The following RWDD1 variants were observed in gnomAD, a reference collection of about 807,000 sequenced individuals.
The protein encoded by RWDD1 is RWD domain-containing protein 1.
Under a neutral mutation model 31.6 loss-of-function variants are expected in RWDD1, and 17 were observed. The ratio of observed to expected loss-of-function variants is 0.54; its 90% CI spans 0.37 to 0.81. RWDD1 has a LOEUF of 0.81. Ranked by LOEUF, RWDD1 falls within the 30% of genes least tolerant of loss-of-function variation. The probability of loss-of-function intolerance (pLI) is 0.00; values close to 1 mark genes in which losing one functional copy is unlikely to be tolerated. For missense variants in RWDD1, 204 were observed against 274.5 expected (o/e 0.74, Z 1.82); for synonymous variants, 78 against 94.2 (o/e 0.83, Z 0.99).
intron 6 of RWDD1, among the ~76,000 whole-genome samples, chr6:116,591,714 C>T (rs1471511733): frequency 6.6e-6 from 1 of 152,240 alleles, no homozygotes; most frequent in African/African-American, 2.4e-5. Context: ...AAACTGGGCT[C>T]CATACTCAGT....
rs894122174 is a variant in RWDD1, at chr6:116,594,990, T to C, written c.*1889T>C. The C allele has an allele frequency of 2.6e-5, 4 of 152,322 alleles. No homozygotes were observed. Among genetic ancestry groups the C allele is most frequent in the East Asian group, 1.9e-4 (1 of 5,190 alleles). 9.4% of individuals were successfully genotyped at this position (152,322 alleles called of 1,614,324 possible). On this transcript the variant is annotated 3_prime_UTR_variant, in exon 7 of 7. Coordinates refer to ENST00000466444, the MANE Select transcript of RWDD1 (RefSeq NM_015952.4). ...CACGTCAGCCTTGATCCCAGACCAA[T>C]AGAATGGAATAACAACAGGAATGTT... is the stretch of plus-strand genomic sequence containing the variant.
At chr6:116,587,189 G>A (rs1303359768) in intron 3 of RWDD1, among the ~76,000 whole-genome samples, 2 of 152,068 alleles carry the variant, frequency 1.3e-5, no homozygotes, top group African/African-American at 4.8e-5. Context: ...TTTTTCTCTG[G>A]TGAGAAGTGT....
chr6:116,588,971 G>A lies in RWDD1; in HGVS notation c.400G>A (p.Glu134Lys), dbSNP rs1775090404. The change falls in exon 4 of 7, where the codon GAA (glutamate) becomes AAA (lysine). Residue 134 changes from glutamate (E) to lysine (K), a missense_variant. Physicochemically the swap from Glu to Lys is moderately conservative, Grantham distance 56. Coordinates refer to ENST00000466444, the MANE Select transcript of RWDD1 (RefSeq NM_015952.4). ...EEKKQKEKEA[E>K]EAEKQLFHGT... is the part of the protein sequence containing the mutation. The stretch of plus-strand genomic sequence containing the variant: ...AAAGAAACAAAAAGAAAAAGAAGCA[G>A]AAGAAGCTGAAAAGGTATATTTAAA... 1 of 1,399,832 alleles carries A rather than the reference G, an allele frequency of 7.1e-7. No homozygotes were observed. The allele number at this position is 1,399,832 out of a possible 1,614,324, so 86.7% of individuals were successfully genotyped here.
In RWDD1 at chr6:116,586,003, T is replaced by A. The variant is rs142389145; in HGVS notation, c.270+1146T>A. Among the ~76,000 whole-genome samples, 9 of 152,260 alleles carry A rather than the reference T, an allele frequency of 5.9e-5. 1 individual carries two copies. In the South Asian group the frequency reaches 1.7e-3, roughly 28 times the overall value. ...CATTGCAGAGAACCTGGGATGGTTA[T>A]GCTATATTCAGTCAGTCGTACCTTA... On this transcript the variant is annotated intron_variant, in intron 3 of 6. Coordinates refer to ENST00000466444, the MANE Select transcript of RWDD1 (RefSeq NM_015952.4).
intron 3 of RWDD1, among the ~76,000 whole-genome samples, chr6:116,586,014 G>T (rs1351653357): frequency 6.6e-6 from 1 of 152,044 alleles, no homozygotes. Context: ...GCTATATTCA[G>T]TCAGTCGTAC....
At chr6:116,591,042 C>T in intron 6 of RWDD1, 92 bp downstream of exon 6, 1 of 1,448,836 alleles carries the variant, frequency 6.9e-7, no homozygotes, top group South Asian at 1.6e-5. Flanking sequence ...AGGAGGATTG[C>T]TTGAGCCCAG....
chr6:116,579,877 A>G (rs1774917383), intron 1 of RWDD1, among the ~76,000 whole-genome samples: 1 of 152,218 alleles, frequency 6.6e-6, no homozygotes, highest in Non-Finnish European at 1.5e-5. Context: ...TCTGAGTTAT[A>G]TCTCACAATA....
intron 3 of RWDD1, among the ~76,000 whole-genome samples, chr6:116,585,394 T>G (rs1350582620): frequency 6.6e-6 from 1 of 152,042 alleles, no homozygotes; most frequent in African/African-American, 2.4e-5. Context: ...TAAAAAAAGT[T>G]TTTACTGGAT....
Position 116,588,995 on chromosome 6 carries a change from A to G in RWDD1, c.414+10A>G, listed in dbSNP as rs1289094381. ...AGAAGAAGCTGAAAAGGTATATTTA[A>G]AAGCCTTGTTTTCTTTTATTATTTC... On this transcript the variant is annotated intron_variant, in intron 4 of 6. Transcript: ENST00000466444. 5 of 1,320,062 alleles carry G rather than the reference A, an allele frequency of 3.8e-6. No homozygotes were observed. Among genetic ancestry groups the G allele is most frequent in the Non-Finnish European group, 4.9e-6 (5 of 1,021,252 alleles). 81.8% of individuals were successfully genotyped at this position (1,320,062 alleles called of 1,614,324 possible).
intron 2 of RWDD1, among the ~76,000 whole-genome samples, chr6:116,580,613 C>T (rs752554656): frequency 5.9e-5 from 9 of 152,072 alleles, no homozygotes; most frequent in Non-Finnish European, 7.4e-5. Context: ...ATTAATAATA[C>T]AGCAGATGAA....
At chr6:116,576,018 C>T (rs745790515) in intron 1 of RWDD1, among the ~76,000 whole-genome samples, 7 of 152,208 alleles carry the variant, frequency 4.6e-5, no homozygotes, top group African/African-American at 7.2e-5. Flanking sequence ...TCAGTATGCT[C>T]AGTTAAAAAT....
chr6:116,587,532 A>C (rs930223720), intron 3 of RWDD1, among the ~76,000 whole-genome samples: 2 of 152,186 alleles, frequency 1.3e-5, no homozygotes, highest in African/African-American at 4.8e-5. Flanking sequence ...AGGGTCTCCT[A>C]AATGTTCACA....
chr6:116,571,546 G>C lies in RWDD1; in HGVS notation c.-37G>C. On this transcript the variant is annotated 5_prime_UTR_variant, in exon 1 of 7. Transcript: ENST00000466444. Reference sequence around the variant, plus strand: ...GTCTGGGCTGCTGCGCGCCGCCTAGGTGTCTGGGCGATCTATGGGCAAGAG... The same window carrying C: ...GTCTGGGCTGCTGCGCGCCGCCTAGCTGTCTGGGCGATCTATGGGCAAGAG... 2 of 1,604,354 alleles carry C rather than the reference G, an allele frequency of 1.2e-6. No homozygotes were observed. Among genetic ancestry groups the C allele is most frequent in the Non-Finnish European group, 1.7e-6 (2 of 1,174,698 alleles).
At position 116,571,606 on chromosome 6, in the gene RWDD1, G is replaced by A; in HGVS notation, c.24G>A (p.Gln8=). MTDYGEE[Q]RNELEALESI... is the part of the protein sequence containing the mutation. ...CGATGACAGATTACGGCGAGGAGCA[G>A]CGCAACGAGCTGGAGGCCCTGGAGT... is the stretch of plus-strand genomic sequence containing the variant. The change falls in exon 1 of 7, where the codon CAG becomes CAA. Residue 8 remains glutamine, a synonymous_variant. Coordinates refer to ENST00000466444, the MANE Select transcript of RWDD1 (RefSeq NM_015952.4). 6.2e-7 allele frequency: 1 copy of A among 1,613,738 alleles called. No homozygotes were observed. Among genetic ancestry groups the A allele is most frequent in the Non-Finnish European group, 8.5e-7 (1 of 1,179,932 alleles).
rs560289445 is a variant in RWDD1, at chr6:116,584,258, C to T, written c.140-469C>T. Among the ~76,000 whole-genome samples the T allele has an allele frequency of 2.0e-4, 31 of 152,306 alleles. No individual in the cohort carries two copies. In the East Asian group the frequency reaches 2.7e-3, roughly 13 times the overall value. On this transcript the variant is annotated intron_variant, in intron 2 of 6. Coordinates refer to ENST00000466444, the MANE Select transcript of RWDD1 (RefSeq NM_015952.4). ...ACCTTTTATACTCTCGAGGTCTAAA[C>T]GGTGCCATCCAGCCACTAATTAGCC...
intron 6 of RWDD1, 148 bp from the exon 7 acceptor site, chr6:116,592,832 T>C: frequency 1.3e-6 from 1 of 744,442 alleles, no homozygotes; most frequent in Non-Finnish European, 2.1e-6. Flanking sequence ...TGCAAATCAC[T>C]GTTGATAACT....
chr6:116,575,001 C>T (rs923281817), intron 1 of RWDD1, among the ~76,000 whole-genome samples: 10 of 151,752 alleles, frequency 6.6e-5, no homozygotes, highest in African/African-American at 2.4e-4. Context: ...AACTCTTGGC[C>T]TCAAGCGAGT....
intron 1 of RWDD1, chr6:116,572,762 A>T: frequency 2.7e-6 from 2 of 749,128 alleles, no homozygotes; most frequent in Non-Finnish European, 3.3e-6. Context: ...ATAAATTCCA[A>T]CCCCTCTCCC....
At chr6:116,590,249 A>C (rs779670821) in intron 4 of RWDD1, 23 bp from the exon 5 acceptor site, 1 of 1,260,240 alleles carries the variant, frequency 7.9e-7, no homozygotes, top group Non-Finnish European at 1.1e-6. Context: ...TAATCTGGTG[A>C]CTTTTTTTTT....
Sources: allele counts gnomAD v4.1 joint callset (sites outside exome capture counted in the v4.1 genomes callset), GRCh38; gene constraint gnomAD v4.1.1; transcripts MANE v1.5; gene names NCBI Gene and HGNC (gene_info 2026-07-23, HGNC 2026-07-21).